The following KIAA1549 variants were observed in gnomAD, a reference collection of about 807,000 sequenced individuals.
KIAA1549 encodes the protein UPF0606 protein KIAA1549.
Under a neutral mutation model 156.4 loss-of-function variants are expected in KIAA1549, and 70 were observed. That is an observed-to-expected ratio of 0.45 (90% CI 0.37 to 0.55). The LOEUF (loss-of-function observed/expected upper bound fraction) is 0.55, where lower values mean the gene tolerates loss of function less well. KIAA1549 is among the 20% of genes least tolerant of loss of function. The pLI is 0.00. For missense variants in KIAA1549, 2,428 were observed against 2,540.9 expected (o/e 0.96, Z 0.96); for synonymous variants, 1,103 against 1,066.4 (o/e 1.03, Z -0.67).
chr7:138,938,913 T>C (rs924454851), intron 1 of KIAA1549, among the ~76,000 whole-genome samples: 18 of 152,322 alleles, frequency 1.2e-4, no homozygotes, highest in Middle Eastern at 3.4e-3. Context: ...CCAGGCGTGG[T>C]GGCACATGCC....
chr7:138,950,369 G>A (rs1369068044), intron 1 of KIAA1549, among the ~76,000 whole-genome samples: 1 of 152,122 alleles, frequency 6.6e-6, no homozygotes, highest in African/African-American at 2.4e-5. Flanking sequence ...AACTAAGCTG[G>A]TCAGAAAAGG....
chr7:138,879,045 C>T (rs1811169208), intron 12 of KIAA1549, among the ~76,000 whole-genome samples: 1 of 152,206 alleles, frequency 6.6e-6, no homozygotes, highest in African/African-American at 2.4e-5. Flanking sequence ...GCCTGTGAAG[C>T]TGTCTGTGAC....
chr7:138,846,437 G>A lies in KIAA1549; in HGVS notation c.5295-1963C>T, dbSNP rs1253077616. ...GTAATCCAGATACTCAGGAGGCTGA[G>A]GCATGAGAATCGCTTGAACCTGGGA... On this transcript the variant is annotated intron_variant, in intron 17 of 19. Transcript: ENST00000422774. Among the ~76,000 whole-genome samples the A allele has an allele frequency of 3.3e-5, 5 of 150,698 alleles. No individual in the cohort carries two copies. In the Admixed American group the frequency reaches 3.3e-4, roughly 10 times the overall value.
intron 11 of KIAA1549, among the ~76,000 whole-genome samples, chr7:138,880,010 A>G (rs1220794566): frequency 2.0e-5 from 3 of 152,228 alleles, no homozygotes; most frequent in Non-Finnish European, 2.9e-5. Context: ...TGGATCAAAC[A>G]GGACCTGGGG....
At chr7:138,877,447 T>C (rs1451908415) in intron 12 of KIAA1549, among the ~76,000 whole-genome samples, 3 of 152,258 alleles carry the variant, frequency 2.0e-5, no homozygotes, top group East Asian at 1.9e-4. Context: ...TGAGCCAAGA[T>C]AGCACCACTG....
intron 10 of KIAA1549, among the ~76,000 whole-genome samples, chr7:138,883,861 T>A (rs1811316632): frequency 6.6e-6 from 1 of 152,202 alleles, no homozygotes; most frequent in South Asian, 2.1e-4. Flanking sequence ...CTGGTCTTCA[T>A]CCCAGTTTCC....
intron 1 of KIAA1549, among the ~76,000 whole-genome samples, chr7:138,957,565 C>A (rs974121093): frequency 1.3e-5 from 2 of 151,858 alleles, no homozygotes; most frequent in African/African-American, 4.8e-5. Flanking sequence ...GCAACCTCTG[C>A]CTCCCAGGTT....
intron 1 of KIAA1549, among the ~76,000 whole-genome samples, chr7:138,936,531 A>G (rs2130514045): frequency 6.6e-6 from 1 of 152,308 alleles, no homozygotes; most frequent in East Asian, 1.9e-4. Context: ...GTCCATGGAC[A>G]TTGCCTGCTT....
chr7:138,916,568 G>C (rs1812325678), intron 2 of KIAA1549, among the ~76,000 whole-genome samples, 180 bp downstream of exon 2: 1 of 152,232 alleles, frequency 6.6e-6, no homozygotes, highest in South Asian at 2.1e-4. Flanking sequence ...CAGACGATTA[G>C]AGAGGATAAA....
At chr7:138,895,809 G>A (rs541008956) in intron 9 of KIAA1549, among the ~76,000 whole-genome samples, 14 of 152,054 alleles carry the variant, frequency 9.2e-5, no homozygotes, top group African/African-American at 2.9e-4. Context: ...CCTAATAAGC[G>A]TCCCATAGGC....
At chr7:138,848,941 T>G (rs528414544) in intron 17 of KIAA1549, among the ~76,000 whole-genome samples, 56 of 152,328 alleles carry the variant, frequency 3.7e-4, no homozygotes, top group African/African-American at 1.2e-3. Flanking sequence ...CTATGTTGCC[T>G]GGGGTAGTTT....
intron 14 of KIAA1549, among the ~76,000 whole-genome samples, chr7:138,869,263 G>T (rs1810848126): frequency 1.3e-5 from 2 of 152,234 alleles, no homozygotes; most frequent in Admixed American, 1.3e-4. Context: ...TAAGCCCCAG[G>T]AAATGCCCCG....
At position 138,911,220 on chromosome 7, in the gene KIAA1549, C is replaced by A. The variant is rs763996909; in HGVS notation, c.3071G>T (p.Arg1024Leu). 2 of 1,599,552 alleles carry A rather than the reference C, an allele frequency of 1.3e-6. No individual in the cohort carries two copies. Among genetic ancestry groups the A allele is most frequent in the African/African-American group, 2.7e-5 (2 of 74,664 alleles). ...INVLINSKLV[R>L]DQTPLILSVK... Reference sequence around the variant, plus strand: ...AGACAGGATTAAAGGAGTCTGGTCACGGACAAGCTTACTGTTTATAAGCAC... The same window carrying A: ...AGACAGGATTAAAGGAGTCTGGTCAAGGACAAGCTTACTGTTTATAAGCAC... The change falls in exon 4 of 20, where the codon CGT becomes CTT. Residue 1024 changes from arginine to leucine, a missense_variant. Arg to Leu is a moderately radical substitution (Grantham distance 102). This residue lies in a region of KIAA1549 where 762 missense variants were observed against 901.6 expected (regional missense o/e 0.85). Transcript: ENST00000422774.
rs372811623 is a variant in KIAA1549, at chr7:138,917,073, A to C, written c.2553T>G (p.Val851=). Residue 851 remains valine (V), a synonymous_variant, in exon 2 of 20, where the codon GTT becomes GTG. Transcript: ENST00000422774. ...DAYLPSGSSF[V]SEATPFPLPT... ...GCAGAGGGAAGGGGGTTGCTTCAGA[A>C]ACAAACGAGGATCCTGATGGCAGGT... 90 of 1,608,556 alleles carry C rather than the reference A, an allele frequency of 5.6e-5. No homozygotes were observed. In the African/African-American group the frequency reaches 1.1e-3, roughly 21 times the overall value.
chr7:138,961,695 G>A (rs1269682385), intron 1 of KIAA1549, among the ~76,000 whole-genome samples: 5 of 151,840 alleles, frequency 3.3e-5, no homozygotes, highest in Non-Finnish European at 4.4e-5. Flanking sequence ...AGAAAAATGC[G>A]ACCAGGCACA....
intron 9 of KIAA1549, among the ~76,000 whole-genome samples, 179 bp downstream of exon 9, chr7:138,898,776 T>C (rs1486019656): frequency 6.6e-6 from 1 of 152,142 alleles, no homozygotes; most frequent in Non-Finnish European, 1.5e-5. Flanking sequence ...AGGCTAAACC[T>C]ACAAGCAATT....
chr7:138,872,310 G>C (rs540936235), intron 12 of KIAA1549, among the ~76,000 whole-genome samples: 8 of 149,368 alleles, frequency 5.4e-5, no homozygotes, highest in African/African-American at 2.0e-4. Context: ...CAAATTTTAG[G>C]CCATGTATAT....
chr7:138,907,890 G>T (rs992784318), intron 5 of KIAA1549, among the ~76,000 whole-genome samples: 3 of 152,130 alleles, frequency 2.0e-5, no homozygotes. Flanking sequence ...TCTGCCCTGA[G>T]ACACACACTA....
intron 1 of KIAA1549, among the ~76,000 whole-genome samples, chr7:138,938,596 A>G (rs1813086086): frequency 6.6e-6 from 1 of 152,232 alleles, no homozygotes; most frequent in South Asian, 2.1e-4. Context: ...TAATGTAAAT[A>G]CTAATTTGAC....
Sources: allele counts gnomAD v4.1 joint callset (sites outside exome capture counted in the v4.1 genomes callset), GRCh38; gene constraint gnomAD v4.1.1; regional missense constraint gnomAD v4.1.1; transcripts MANE v1.5; gene names NCBI Gene and HGNC (gene_info 2026-07-23, HGNC 2026-07-21).